The following RGL1 variants were observed in gnomAD, a reference collection of about 807,000 sequenced individuals.
RGL1 encodes ral guanine nucleotide dissociation stimulator-like 1.
Under a neutral mutation model 95.2 loss-of-function variants are expected in RGL1, and 24 were observed. The observed-to-expected ratio is 0.25, with a 90% CI of 0.18 to 0.35. The LOEUF is 0.35. RGL1 is among the 10% of genes least tolerant of loss of function. RGL1 has a pLI of 1.00. For synonymous variants in RGL1, 329 were observed against 344.9 expected, an observed-to-expected ratio of 0.95 and a Z score of 0.51; for missense variants, 715 against 936.3, an observed-to-expected ratio of 0.76 and a Z score of 3.08.
chr1:183,877,504 A>G (rs1355158101), intron 4 of RGL1, among the ~76,000 whole-genome samples: 2 of 152,220 alleles, frequency 1.3e-5, no homozygotes, highest in African/African-American at 4.8e-5. Context: ...AGCTACTGTG[A>G]GCCTTGGGCA....
chr1:183,715,532 A>G (rs1279081677), intron 1 of RGL1, among the ~76,000 whole-genome samples: 1 of 152,168 alleles, frequency 6.6e-6, no homozygotes, highest in Non-Finnish European at 1.5e-5. Context: ...CTATGCTTTC[A>G]CTAGCATCTT....
chr1:183,908,312 C>G (rs1170177896), intron 14 of RGL1, among the ~76,000 whole-genome samples: 1 of 152,220 alleles, frequency 6.6e-6, no homozygotes, highest in Middle Eastern at 3.4e-3. Context: ...ACATAAAGAC[C>G]TCTGCTGGAT....
intron 2 of RGL1, among the ~76,000 whole-genome samples, chr1:183,793,682 T>C (rs1360875939): frequency 6.6e-6 from 1 of 151,350 alleles, no homozygotes; most frequent in Non-Finnish European, 1.5e-5. Context: ...AAAAAAATGC[T>C]CAACATCACT....
At chr1:183,706,811 T>C (rs886192033) in intron 1 of RGL1, among the ~76,000 whole-genome samples, 2 of 152,214 alleles carry the variant, frequency 1.3e-5, no homozygotes, top group Non-Finnish European at 2.9e-5. Flanking sequence ...TTAAGGACTT[T>C]GAAGGCTAAA....
rs377011958 is a variant in RGL1, at chr1:183,824,609, A to G, written c.138+18124A>G. Among the ~76,000 whole-genome samples the G allele has an allele frequency of 1.0e-3, 154 of 152,246 alleles. 6 individuals are homozygous for G. The South Asian group carries it at 0.032, about 31-fold the overall frequency. On this transcript the variant is annotated intron_variant, in intron 2 of 17. Coordinates refer to ENST00000360851, the MANE Select transcript of RGL1 (RefSeq NM_001297671.3). ...AAAGTCCTTTTACTTGACCTTAACA[A>G]TTTTGACAAGGCTCAGTTCATTATA... is the stretch of plus-strand genomic sequence containing the variant.
chr1:183,733,346 G>A (rs566356579), intron 1 of RGL1, among the ~76,000 whole-genome samples: 4 of 152,088 alleles, frequency 2.6e-5, no homozygotes, highest in South Asian at 2.1e-4. Context: ...CTTTGTATTC[G>A]CTTTTGGGCA....
At chr1:183,766,366 A>G (rs1558195122) in intron 2 of RGL1, among the ~76,000 whole-genome samples, 1 of 152,148 alleles carries the variant, frequency 6.6e-6, no homozygotes, top group Non-Finnish European at 1.5e-5. Context: ...TACTTAATTC[A>G]AGTGACTGTC....
intron 2 of RGL1, among the ~76,000 whole-genome samples, chr1:183,777,622 A>G (rs1659668045): frequency 6.6e-6 from 1 of 152,242 alleles, no homozygotes; most frequent in Admixed American, 6.5e-5. Flanking sequence ...GAGGGAGCTC[A>G]TAGGAAAACT....
At chr1:183,710,773 C>G (rs181072381) in intron 1 of RGL1, among the ~76,000 whole-genome samples, 410 of 152,194 alleles carry the variant, frequency 2.7e-3, no homozygotes, top group South Asian at 4.4e-3. Context: ...GAAAACTGCC[C>G]CCACGATCCA....
chr1:183,682,905 C>G (rs1156427852), intron 1 of RGL1, among the ~76,000 whole-genome samples: 2 of 151,946 alleles, frequency 1.3e-5, no homozygotes, highest in African/African-American at 4.8e-5. Context: ...TTGCATTGAT[C>G]CCTTTATTAT....
intron 2 of RGL1, among the ~76,000 whole-genome samples, chr1:183,841,512 G>A (rs1333341800): frequency 6.6e-6 from 1 of 152,222 alleles, no homozygotes; most frequent in Non-Finnish European, 1.5e-5. Context: ...AATGGCAAAA[G>A]CCATAATCAC....
intron 1 of RGL1, among the ~76,000 whole-genome samples, chr1:183,734,108 G>A (rs982182051): frequency 1.3e-5 from 2 of 152,172 alleles, no homozygotes; most frequent in Non-Finnish European, 2.9e-5. Flanking sequence ...AGGGCTAGTC[G>A]ATTCGGAAGC....
At chr1:183,701,944 AT>A (rs1466622070) in intron 1 of RGL1, among the ~76,000 whole-genome samples, 6 of 152,224 alleles carry the variant, frequency 3.9e-5, no homozygotes, top group Non-Finnish European at 5.9e-5. Context: ...CTCGAAAAAA[AT>A]AAAATAAAAT....
intron 1 of RGL1, among the ~76,000 whole-genome samples, chr1:183,692,631 G>T (rs904706992): frequency 8.5e-5 from 13 of 152,112 alleles, no homozygotes; most frequent in Non-Finnish European, 2.9e-5. Context: ...AATACATTTT[G>T]CTATAATTAG....
intron 1 of RGL1, among the ~76,000 whole-genome samples, chr1:183,666,438 GT>G (rs1286695004): frequency 6.6e-6 from 1 of 152,132 alleles, no homozygotes; most frequent in Non-Finnish European, 1.5e-5. Flanking sequence ...TCTCTTGCAA[GT>G]TATTCTTTGA....
intron 1 of RGL1, among the ~76,000 whole-genome samples, chr1:183,741,246 A>G (rs1218492252): frequency 1.3e-5 from 2 of 152,206 alleles, no homozygotes; most frequent in African/African-American, 4.8e-5. Context: ...TAGATGGAAC[A>G]TCAGTAACAG....
chr1:183,866,143 AT>A, intron 4 of RGL1, 70 bp downstream of exon 4: 1 of 1,267,038 alleles, frequency 7.9e-7, no homozygotes, highest in East Asian at 2.3e-5. Flanking sequence ...TTAGTAGAGT[AT>A]TTTATTCCTT....
chr1:183,881,269 C>T (rs1364304658), intron 5 of RGL1, among the ~76,000 whole-genome samples: 1 of 152,174 alleles, frequency 6.6e-6, no homozygotes, highest in Non-Finnish European at 1.5e-5. Context: ...TCTGATCCTG[C>T]CCTCCCAAAA....
intron 1 of RGL1, among the ~76,000 whole-genome samples, chr1:183,662,646 T>C (rs1028203298): frequency 1.3e-5 from 2 of 152,234 alleles, no homozygotes; most frequent in African/African-American, 4.8e-5. Flanking sequence ...CCAAGGTAAT[T>C]TATAGATTCA....
Sources: gnomAD v4.1 joint callset for allele counts (sites outside exome capture counted in the v4.1 genomes callset) on GRCh38, gnomAD v4.1.1 for gene constraint, MANE v1.5 for transcripts, NCBI Gene and HGNC (gene_info 2026-07-23, HGNC 2026-07-21) for gene names.